MPZL1: variants seen among roughly 807,000 people sequenced by gnomAD.
MPZL1 encodes the protein myelin protein zero-like protein 1.
In MPZL1, 16 loss-of-function variants were observed where a neutral mutation model predicts 29.3. The observed-to-expected ratio is 0.55, with a 90% CI of 0.37 to 0.83. The LOEUF (loss-of-function observed/expected upper bound fraction) is 0.83, where lower values mean the gene tolerates loss of function less well. MPZL1 is among the 40% of genes least tolerant of loss of function. The probability of loss-of-function intolerance (pLI) is 0.00; values close to 1 mark genes in which losing one functional copy is unlikely to be tolerated. For missense variants in MPZL1, 279 were observed against 332.9 expected, an observed-to-expected ratio of 0.84 and a Z score of 1.26; for synonymous variants, 143 against 132.0, an observed-to-expected ratio of 1.08 and a Z score of -0.57.
At chr1:167,723,852 G>A (rs1660090324) in intron 1 of MPZL1, among the ~76,000 whole-genome samples, 1 of 152,150 alleles carries the variant, frequency 6.6e-6, no homozygotes, top group Admixed American at 6.5e-5. Flanking sequence ...CCTCTTTTCT[G>A]GTCATGGATA....
chr1:167,776,163 C>G lies in MPZL1; in HGVS notation c.705C>G (p.His235Gln), dbSNP rs775702781. 1 of 1,609,920 alleles carries G rather than the reference C, an allele frequency of 6.2e-7. No homozygotes were observed. The highest frequency in any genetic ancestry group is 8.5e-7 in the Non-Finnish European group (1 of 1,176,916). Reference protein sequence around the residue: ...GLVKSLPSGSHQGPVIYAQLD... With the variant: ...GLVKSLPSGSQQGPVIYAQLD... ...TAAAGAGTCTGCCTTCTGGATCTCA[C>G]CAGGTAATGGCTGATTGCGATTCTG... Residue 235 changes from histidine (H) to glutamine (Q), a missense_variant, in exon 5 of 6, where the codon CAC becomes CAG. His to Gln is a conservative substitution (Grantham distance 24). Coordinates refer to ENST00000359523, the MANE Select transcript of MPZL1 (RefSeq NM_003953.6).
At chr1:167,772,137 G>A (rs1558123075) in intron 2 of MPZL1, 138 bp from the exon 3 acceptor site, 2 of 702,836 alleles carry the variant, frequency 2.8e-6, no homozygotes, top group Non-Finnish European at 4.8e-6. Context: ...GAGAGAGAGG[G>A]GGAGAGGGAG....
chr1:167,748,186 A>G (rs996490844), intron 1 of MPZL1, among the ~76,000 whole-genome samples: 2 of 152,200 alleles, frequency 1.3e-5, no homozygotes, highest in African/African-American at 4.8e-5. Flanking sequence ...CTGAGTCATC[A>G]TAACTCTGTG....
chr1:167,777,244 G>A (rs1558124793), intron 5 of MPZL1, among the ~76,000 whole-genome samples: 2 of 152,300 alleles, frequency 1.3e-5, no homozygotes, highest in East Asian at 1.9e-4. Context: ...ATCTAAAAAA[G>A]CATTGGAACA....
chr1:167,781,004 A>G (rs28855117), intron 5 of MPZL1, among the ~76,000 whole-genome samples: 1 of 152,180 alleles, frequency 6.6e-6, no homozygotes, highest in Non-Finnish European at 1.5e-5. Context: ...AAATAGAACC[A>G]GGGATAAAGA....
intron 5 of MPZL1, among the ~76,000 whole-genome samples, chr1:167,786,305 G>A (rs1195676775): frequency 1.3e-5 from 2 of 152,264 alleles, no homozygotes; most frequent in African/African-American, 4.8e-5. Flanking sequence ...AAGTATGTTT[G>A]TGTAACAAGA....
intron 2 of MPZL1, among the ~76,000 whole-genome samples, chr1:167,770,144 A>T (rs926421000): frequency 6.6e-6 from 1 of 152,208 alleles, no homozygotes; most frequent in Admixed American, 6.5e-5. Flanking sequence ...TTTGGGAGTT[A>T]AGAAAATCTA....
intron 1 of MPZL1, chr1:167,764,914 C>T (rs1023569413): frequency 6.6e-6 from 1 of 152,156 alleles, no homozygotes; most frequent in Admixed American, 6.5e-5. Context: ...ATAATTTTAA[C>T]TAGATAACAT....
chr1:167,722,368 G>A, intron 1 of MPZL1, 126 bp downstream of exon 1: 1 of 1,223,562 alleles, frequency 8.2e-7, no homozygotes, highest in Non-Finnish European at 1.0e-6. Flanking sequence ...GGCGCGGCCT[G>A]CGCTCTCTGG....
In MPZL1 at chr1:167,791,833, C is replaced by T. The variant is rs192283907; in HGVS notation, c.*3912C>T. 9 of 152,276 alleles carry T rather than the reference C, an allele frequency of 5.9e-5. No homozygotes were observed. Among genetic ancestry groups the T allele is most frequent in the Admixed American group, 5.9e-4 (9 of 15,302 alleles). The allele number at this position is 152,276 out of a possible 1,614,324, so 9.4% of individuals were successfully genotyped here. On this transcript the variant is annotated 3_prime_UTR_variant, in exon 6 of 6. Coordinates refer to ENST00000359523, the MANE Select transcript of MPZL1 (RefSeq NM_003953.6). The stretch of plus-strand genomic sequence containing the variant: ...GGCACAGATGTCTGAGAGCTTTAAC[C>T]TCAGTCTGGAAGACAATGTGGTGAC...
At chr1:167,730,484 G>T (rs1474539954) in intron 1 of MPZL1, among the ~76,000 whole-genome samples, 1 of 151,998 alleles carries the variant, frequency 6.6e-6, no homozygotes, top group Non-Finnish European at 1.5e-5. Context: ...TCACCATGTT[G>T]GCCAGGCTGG....
intron 5 of MPZL1, 97 bp from the exon 6 acceptor site, chr1:167,787,723 A>G (rs895717992): frequency 2.2e-5 from 19 of 866,462 alleles, no homozygotes; most frequent in Admixed American, 1.0e-4. Flanking sequence ...TTGCTTTGGA[A>G]CCCTGATGTG....
At chr1:167,763,730 T>C (rs917533304) in intron 1 of MPZL1, among the ~76,000 whole-genome samples, 26 of 152,312 alleles carry the variant, frequency 1.7e-4, no homozygotes, top group African/African-American at 6.3e-4. Context: ...GCTGCTTTTC[T>C]GCGTACCCAC....
intron 2 of MPZL1, among the ~76,000 whole-genome samples, chr1:167,770,277 C>T (rs1427454867): frequency 6.6e-6 from 1 of 152,242 alleles, no homozygotes; most frequent in Non-Finnish European, 1.5e-5. Context: ...GCTCCACCAT[C>T]ACCCCGTCCA....
intron 1 of MPZL1, among the ~76,000 whole-genome samples, chr1:167,746,179 C>T (rs182983473): frequency 6.6e-6 from 1 of 151,926 alleles, no homozygotes; most frequent in African/African-American, 2.4e-5. Flanking sequence ...GGGAGTTGGC[C>T]CAACGGGAGT....
chr1:167,769,414 T>C (rs1390800874), intron 2 of MPZL1, among the ~76,000 whole-genome samples: 2 of 152,192 alleles, frequency 1.3e-5, no homozygotes, highest in East Asian at 1.9e-4. Context: ...GAGAATAGTG[T>C]TCCCTGAGCT....
chr1:167,740,233 C>T (rs1159167496), intron 1 of MPZL1, among the ~76,000 whole-genome samples: 1 of 152,150 alleles, frequency 6.6e-6, no homozygotes, highest in Admixed American at 6.5e-5. Context: ...TTCTATAGTC[C>T]TCTTTAGCTA....
intron 2 of MPZL1, among the ~76,000 whole-genome samples, chr1:167,770,628 T>C (rs889867801): frequency 9.2e-5 from 14 of 152,230 alleles, no homozygotes; most frequent in Admixed American, 6.5e-5. Flanking sequence ...ATTCTTCTCC[T>C]TTGTGCTTCT....
chr1:167,749,319 T>G (rs573632706), intron 1 of MPZL1, among the ~76,000 whole-genome samples: 5 of 152,362 alleles, frequency 3.3e-5, no homozygotes, highest in Non-Finnish European at 7.3e-5. Flanking sequence ...TACTCTTTTG[T>G]TGAATTGTTG....
Sources: gnomAD v4.1 joint callset for allele counts (sites outside exome capture counted in the v4.1 genomes callset) on GRCh38, gnomAD v4.1.1 for gene constraint, MANE v1.5 for transcripts, NCBI Gene and HGNC (gene_info 2026-07-23, HGNC 2026-07-21) for gene names.